The following EML5 variants were observed in gnomAD, a reference collection of about 807,000 sequenced individuals.
EML5 encodes EMAP like 5.
In EML5, 120 loss-of-function variants were observed where a neutral mutation model predicts 250.0. The ratio of observed to expected loss-of-function variants is 0.48; its 90% CI spans 0.41 to 0.56. EML5 has a LOEUF of 0.56. Ranked by LOEUF, EML5 falls within the 20% of genes least tolerant of loss-of-function variation. The pLI, the probability that EML5 is intolerant of heterozygous loss-of-function variation, is 0.00. For synonymous variants in EML5, 771 were observed against 806.5 expected (o/e 0.96, Z 0.75); for missense variants, 2,006 against 2,437.6 (o/e 0.82, Z 3.73).
chr14:88,715,689 G>A (rs566183141), intron 8 of EML5, among the ~76,000 whole-genome samples: 8 of 146,824 alleles, frequency 5.4e-5, no homozygotes, highest in South Asian at 2.2e-4. Flanking sequence ...ACAGAGTCTC[G>A]CTCTGTTGCT....
At chr14:88,769,577 C>A (rs2094365652) in intron 1 of EML5, among the ~76,000 whole-genome samples, 3 of 152,118 alleles carry the variant, frequency 2.0e-5, no homozygotes, top group Non-Finnish European at 4.4e-5. Flanking sequence ...AATAGAAATG[C>A]ACTTGTAAAA....
chr14:88,750,972 T>C (rs140868490), intron 2 of EML5, among the ~76,000 whole-genome samples: 1 of 152,354 alleles, frequency 6.6e-6, no homozygotes, highest in Non-Finnish European at 1.5e-5. Context: ...CTCTGTCTGG[T>C]ATAGCTCATC....
At chr14:88,695,500 A>G in intron 15 of EML5, 46 bp from the exon 16 acceptor site, 1 of 1,509,896 alleles carries the variant, frequency 6.6e-7, no homozygotes, top group Admixed American at 1.9e-5. Context: ...TAACATTCAG[A>G]AGAGAGAAAA....
intron 14 of EML5, among the ~76,000 whole-genome samples, chr14:88,700,254 A>G (rs1400417160): frequency 1.3e-5 from 2 of 152,172 alleles, no homozygotes; most frequent in Non-Finnish European, 2.9e-5. Flanking sequence ...CTTTGTATTT[A>G]ATTCTCCAAA....
intron 33 of EML5, among the ~76,000 whole-genome samples, chr14:88,632,335 C>A (rs1391299912): frequency 6.6e-6 from 1 of 152,158 alleles, no homozygotes; most frequent in African/African-American, 2.4e-5. Flanking sequence ...TTTCTCTCTT[C>A]CCCCTCTACA....
intron 36 of EML5, 93 bp downstream of exon 36, chr14:88,624,875 ACT>A (rs914130924): frequency 1.4e-6 from 2 of 1,396,178 alleles, no homozygotes; most frequent in African/African-American, 2.9e-5. Flanking sequence ...CGGAGAGGAC[ACT>A]CTGTGTAGCC....
chr14:88,705,419 G>T, intron 12 of EML5, 63 bp downstream of exon 12: 1 of 1,176,108 alleles, frequency 8.5e-7, no homozygotes, highest in South Asian at 1.3e-5. Flanking sequence ...GATGACTAAC[G>T]GGGAGCAAGA....
At chr14:88,627,331 A>G in intron 34 of EML5, 1 of 459,462 alleles carries the variant, frequency 2.2e-6, no homozygotes, top group Non-Finnish European at 3.8e-6. Flanking sequence ...AGAAATATAC[A>G]TAATTTTCAT....
At chr14:88,725,274 A>C (rs2093649725) in intron 8 of EML5, among the ~76,000 whole-genome samples, 1 of 152,156 alleles carries the variant, frequency 6.6e-6, no homozygotes, top group Non-Finnish European at 1.5e-5. Context: ...ATGGCACTGA[A>C]TTTTACATTT....
chr14:88,786,313 C>G (rs1474651750), intron 1 of EML5, among the ~76,000 whole-genome samples: 1 of 152,150 alleles, frequency 6.6e-6, no homozygotes, highest in Non-Finnish European at 1.5e-5. Flanking sequence ...AAAATTTACA[C>G]ACATATATAA....
chr14:88,792,519 C>G lies in EML5; in HGVS notation c.-16G>C, dbSNP rs1024845226. On this transcript the variant is annotated 5_prime_UTR_variant, in exon 1 of 44. Transcript: ENST00000554922. This position sits in a 1 kb window ranked among gnomAD's most constrained non-coding sequence, Gnocchi z 6.9. ...GGGCCGCCATGTCGGGGCGCCCACC[C>G]GCCGCTCCCGCTCGGGCCCGCGGCG... 1 of 1,346,702 alleles carries G rather than the reference C, an allele frequency of 7.4e-7. No homozygotes were observed. The highest frequency in any genetic ancestry group is 9.6e-7 in the Non-Finnish European group (1 of 1,039,860). 83.4% of individuals were successfully genotyped at this position (1,346,702 alleles called of 1,614,324 possible).
intron 33 of EML5, among the ~76,000 whole-genome samples, chr14:88,633,325 G>A (rs1293073587): frequency 1.3e-5 from 2 of 151,774 alleles, no homozygotes; most frequent in Admixed American, 6.6e-5. Context: ...TCTTGCTGTT[G>A]CCCAGGCTGG....
intron 21 of EML5, among the ~76,000 whole-genome samples, chr14:88,673,400 A>G (rs1229338217): frequency 2.0e-5 from 3 of 151,892 alleles, no homozygotes; most frequent in Non-Finnish European, 4.4e-5. Flanking sequence ...AATAATAATG[A>G]TAAACCCACA....
intron 1 of EML5, among the ~76,000 whole-genome samples, chr14:88,785,676 T>C (rs1466158897): frequency 6.6e-6 from 1 of 152,224 alleles, no homozygotes; most frequent in Non-Finnish European, 1.5e-5. Context: ...TAGTAAATCA[T>C]GCTACCTCTA....
intron 1 of EML5, among the ~76,000 whole-genome samples, chr14:88,784,260 C>T (rs2094527872): frequency 6.6e-6 from 1 of 151,770 alleles, no homozygotes; most frequent in Non-Finnish European, 1.5e-5. Context: ...AAGAGCAAAC[C>T]AAATCCAAAA....
chr14:88,758,408 T>C (rs1171479448), intron 1 of EML5, among the ~76,000 whole-genome samples: 1 of 152,102 alleles, frequency 6.6e-6, no homozygotes, highest in Non-Finnish European at 1.5e-5. Context: ...TTGACCAGGA[T>C]GGTCTCAAAC....
intron 13 of EML5, 24 bp downstream of exon 13, chr14:88,704,835 TA>T (rs757062363): frequency 2.9e-5 from 46 of 1,575,278 alleles, no homozygotes; most frequent in Non-Finnish European, 4.0e-5. Context: ...TTCAAACAAA[TA>T]AATGAAAGAT....
At position 88,621,282 on chromosome 14, in the gene EML5, G is replaced by T. The variant is rs568113437; in HGVS notation, c.5033C>A (p.Thr1678Lys). The T allele has an allele frequency of 6.2e-7, 1 of 1,613,778 alleles. No homozygotes were observed. Among genetic ancestry groups the T allele is most frequent in the East Asian group, 2.2e-5 (1 of 44,866 alleles). Residue 1678 changes from threonine to lysine, a missense_variant, in exon 38 of 44, where the codon ACA becomes AAA. Physicochemically the swap from Thr to Lys is moderately conservative, Grantham distance 78. Around this residue, in one of 7 missense-constraint regions of EML5, gnomAD observed 405 missense variants for 523.3 expected, o/e 0.77. Coordinates refer to ENST00000554922, the MANE Select transcript of EML5 (RefSeq NM_183387.3). Reference sequence around the variant, plus strand: ...AACTTCGATTATTTCAGCATTCCTTGTCCCAACAAGGATCTTGCCCTGAAA... The same window carrying T: ...AACTTCGATTATTTCAGCATTCCTTTTCCCAACAAGGATCTTGCCCTGAAA... The part of the protein sequence containing the change: ...CRGKGKILVG[T>K]RNAEIIEVGE...
At chr14:88,717,599 C>CA (rs1168184635) in intron 8 of EML5, among the ~76,000 whole-genome samples, 1 of 151,866 alleles carries the variant, frequency 6.6e-6, no homozygotes, top group Non-Finnish European at 1.5e-5. Context: ...ACTAAAAATA[C>CA]AAAAAATTAG....
Sources: gnomAD v4.1 joint callset for allele counts (sites outside exome capture counted in the v4.1 genomes callset) on GRCh38, gnomAD v4.1.1 for gene constraint, gnomAD v4.1.1 regional missense constraint, Gnocchi (gnomAD v3.1) non-coding constraint, MANE v1.5 for transcripts, NCBI Gene and HGNC (gene_info 2026-07-23, HGNC 2026-07-21) for gene names.